Variants in CST3 observed in about 807,000 individuals in gnomAD.
The protein encoded by CST3 is cystatin-C.
A neutral mutation model predicts 9.0 loss-of-function variants in CST3; 14 were observed. The observed-to-expected ratio is 1.56, with a 90% CI of 1.03 to 2.44. The LOEUF (loss-of-function observed/expected upper bound fraction) is 2.44. CST3 is among the 30% of genes most tolerant of loss of function. The pLI is 0.00. For missense variants in CST3, 237 were observed against 204.3 expected (o/e 1.16, Z -0.98); for synonymous variants, 96 against 90.2 (o/e 1.06, Z -0.37).
downstream of CST3, chr20:23,629,418 T>G (rs749397284): frequency 9.2e-5 from 14 of 152,256 alleles, no homozygotes; most frequent in Non-Finnish European, 2.1e-4. Flanking sequence ...CCCTGCCTGG[T>G]AGCCATTCAG....
chr20:23,631,575 G>A (rs1979453356), downstream of CST3, among the ~76,000 whole-genome samples: 1 of 152,188 alleles, frequency 6.6e-6, no homozygotes, highest in Non-Finnish European at 1.5e-5. Flanking sequence ...CGGCCTCTCA[G>A]CTCCCTGGGC....
chr20:23,633,809 TG>T lies in CST3; in HGVS notation c.*106del. On this transcript the variant is annotated 3_prime_UTR_variant, in exon 3 of 3. Coordinates refer to ENST00000376925, the MANE Select transcript of CST3 (RefSeq NM_000099.4). ...CTGTCTGTCTCCTGGTGCAGGCACA[TG>T]GGGAGACCTTCCCCAAGGCAGGGGC... is the stretch of plus-strand genomic sequence containing the variant. 1 of 946,772 alleles carries T rather than the reference TG, an allele frequency of 1.1e-6. No individual in the cohort carries two copies. Among genetic ancestry groups the T allele is most frequent in the South Asian group, 1.3e-5 (1 of 75,730 alleles). The allele number at this position is 946,772 out of a possible 1,614,324, so 58.6% of individuals were successfully genotyped here. A position where few individuals can be genotyped will look rare whatever the true frequency, so the allele number is the denominator to read the frequency against.
At chr20:23,630,452 T>C (rs1471778281), downstream of CST3, among the ~76,000 whole-genome samples, 2 of 152,246 alleles carry the variant, frequency 1.3e-5, no homozygotes, top group Non-Finnish European at 2.9e-5. Context: ...GTCTGTTCCC[T>C]ATTTTAGTCA....
intron 1 of CST3, among the ~76,000 whole-genome samples, chr20:23,637,357 G>A (rs1268612835): frequency 6.6e-6 from 1 of 152,222 alleles, no homozygotes; most frequent in South Asian, 2.1e-4. Flanking sequence ...CCGCGCTGCG[G>A]CGCAGCTCGA....
chr20:23,631,137 A>C (rs1979438398), downstream of CST3, among the ~76,000 whole-genome samples: 5 of 152,188 alleles, frequency 3.3e-5, no homozygotes, highest in Admixed American at 3.3e-4. Flanking sequence ...TAAAGATATA[A>C]AAATATTACC....
chr20:23,631,519 C>T (rs1331472118), downstream of CST3, among the ~76,000 whole-genome samples: 1 of 152,216 alleles, frequency 6.6e-6, no homozygotes, highest in African/African-American at 2.4e-5. Context: ...TCCCAGGTCC[C>T]TATTACAACT....
downstream of CST3, among the ~76,000 whole-genome samples, chr20:23,630,199 G>A (rs13039514): frequency 6.6e-6 from 1 of 152,156 alleles, no homozygotes; most frequent in African/African-American, 2.4e-5. Context: ...CAACTTTTCC[G>A]ACTGGGATCA....
At chr20:23,632,360 A>T (rs1188778867), downstream of CST3, 1 of 152,072 alleles carries the variant, frequency 6.6e-6, no homozygotes, top group Non-Finnish European at 1.5e-5. Flanking sequence ...ACCCTTTACC[A>T]CTGACCACAA....
At chr20:23,626,789 G>A (rs73318111) in exon 4 of CST3, 22 of 152,302 alleles carry the variant, frequency 1.4e-4, no homozygotes, top group African/African-American at 4.8e-4. Flanking sequence ...AAGGGGAGTT[G>A]ATCTTGTGTT....
rs768894776 is a variant in CST3, at chr20:23,637,752, T to C, written c.111A>G (p.Gly37=). 66 of 1,536,862 alleles carry C rather than the reference T, an allele frequency of 4.3e-5. No individual in the cohort carries two copies. Among genetic ancestry groups the C allele is most frequent in the Non-Finnish European group, 5.5e-5 (63 of 1,142,802 alleles). Residue 37 remains glycine (G), a synonymous_variant, in exon 1 of 3, where the codon GGA becomes GGG. Coordinates refer to ENST00000376925, the MANE Select transcript of CST3 (RefSeq NM_000099.4). Reference sequence around the variant, plus strand: ...CCTCCACGCTGGCGTCCATGGGGCCTCCCACTAGGCGCGGCGGCTTGCCGG... The same window carrying C: ...CCTCCACGCTGGCGTCCATGGGGCCCCCCACTAGGCGCGGCGGCTTGCCGG... The part of the protein sequence containing the change: ...SSPGKPPRLV[G]GPMDASVEEE...
At chr20:23,630,360 G>A (rs1979407630), downstream of CST3, among the ~76,000 whole-genome samples, 6 of 152,206 alleles carry the variant, frequency 3.9e-5, no homozygotes, top group Admixed American at 3.3e-4. Context: ...GACCCCATAA[G>A]CCTCAGGTGA....
rs914741497 is a variant in CST3, at chr20:23,635,414, T to C, written c.244-47A>G. The C allele has an allele frequency of 4.6e-6, 7 of 1,517,078 alleles. No homozygotes were observed. In the South Asian group the frequency reaches 7.0e-5, roughly 15 times the overall value. The allele number at this position is 1,517,078 out of a possible 1,614,324, so 94.0% of individuals were successfully genotyped here. On this transcript the variant is annotated intron_variant, in intron 1 of 2. Transcript: ENST00000376925. ...AGGCAGGGACAGCACGTTCTGTCAG[T>C]TTCTTACACACACAGGCACTTCACT...
intron 1 of CST3, among the ~76,000 whole-genome samples, chr20:23,636,256 C>G (rs1979671922): frequency 6.6e-6 from 1 of 152,172 alleles, no homozygotes; most frequent in Non-Finnish European, 1.5e-5. Context: ...GGTCTGGACT[C>G]CTCTGAATTT....
At position 23,633,812 on chromosome 20, in the gene CST3, G is replaced by T; in HGVS notation, c.*104C>A. 1 of 983,678 alleles carries T rather than the reference G, an allele frequency of 1.0e-6. No homozygotes were observed. Among genetic ancestry groups the T allele is most frequent in the Non-Finnish European group, 1.6e-6 (1 of 613,010 alleles). The allele number at this position is 983,678 out of a possible 1,614,324, so 60.9% of individuals were successfully genotyped here. A position where few individuals can be genotyped will look rare whatever the true frequency, so the allele number is the denominator to read the frequency against. ...TCTGTCTCCTGGTGCAGGCACATGG[G>T]GAGACCTTCCCCAAGGCAGGGGCCA... On this transcript the variant is annotated 3_prime_UTR_variant, in exon 3 of 3. Coordinates refer to ENST00000376925, the MANE Select transcript of CST3 (RefSeq NM_000099.4).
chr20:23,629,383 G>A (rs1423147214), downstream of CST3: 1 of 152,222 alleles, frequency 6.6e-6, no homozygotes, highest in African/African-American at 2.4e-5. Flanking sequence ...CAGAGCCTGT[G>A]GGGTAAACAC....
chr20:23,637,649 C>G lies in CST3; in HGVS notation c.214G>C (p.Ala72Pro). 6.5e-7 allele frequency: 1 copy of G among 1,527,612 alleles called. No individual in the cohort carries two copies. The highest frequency in any genetic ancestry group is 1.2e-5 in the South Asian group (1 of 81,582). The allele number at this position is 1,527,612 out of a possible 1,614,324, so 94.6% of individuals were successfully genotyped here. Residue 72 changes from alanine (A) to proline (P), a missense_variant, in exon 1 of 3, where the codon GCG becomes CCG. Physicochemically the swap from Ala to Pro is conservative, Grantham distance 27. Coordinates refer to ENST00000376925, the MANE Select transcript of CST3 (RefSeq NM_000099.4). ...KASNDMYHSR[A>P]LQVVRARKQI... ...TTGCGGGCGCGCACCACCTGCAGCGCGCGGCTGTGGTACATGTCGTTGCTG... is the reference window on the plus strand; with the variant it reads ...TTGCGGGCGCGCACCACCTGCAGCGGGCGGCTGTGGTACATGTCGTTGCTG...
downstream of CST3, among the ~76,000 whole-genome samples, chr20:23,631,205 A>G (rs1196599980): frequency 6.6e-6 from 1 of 152,182 alleles, no homozygotes; most frequent in East Asian, 1.9e-4. Context: ...GGAAAAGAAC[A>G]AGCCAGATTT....
At chr20:23,627,665 TATAAAG>T (rs1262260925) in exon 4 of CST3, 1 of 152,230 alleles carries the variant, frequency 6.6e-6, no homozygotes, top group African/African-American at 2.4e-5. Flanking sequence ...ACCAGCTATG[TATAAAG>T]ATTCCAATTT....
downstream of CST3, chr20:23,633,617 C>A (rs1485196000): frequency 2.3e-5 from 13 of 557,508 alleles, no homozygotes; most frequent in Non-Finnish European, 4.2e-5. Flanking sequence ...GGAAACCCTG[C>A]CTGTGTGCAC....
Sources: gnomAD v4.1 joint callset for allele counts (sites outside exome capture counted in the v4.1 genomes callset) on GRCh38, gnomAD v4.1.1 for gene constraint, MANE v1.5 for transcripts, NCBI Gene and HGNC (gene_info 2026-07-23, HGNC 2026-07-21) for gene names.